NOL3: variants seen among roughly 807,000 people sequenced by gnomAD.
The protein encoded by NOL3 is nucleolar protein 3, also known as muscle-enriched cytoplasmic protein.
NOL3 carries 18 observed loss-of-function variants against 19.2 expected under a neutral mutation model. The observed-to-expected ratio is 0.94, with a 90% confidence interval of 0.65 to 1.39. NOL3 has a LOEUF of 1.39. Among genes scored for constraint, NOL3 ranks in the 40% most tolerant of loss-of-function variants. The pLI is 0.00. For missense variants in NOL3, 290 were observed against 289.5 expected (o/e 1.00, Z -0.01); for synonymous variants, 127 against 137.3 (o/e 0.93, Z 0.52).
Position 67,174,340 on chromosome 16 carries a change from G to A in NOL3, c.171G>A (p.Arg57=). 6.3e-7 allele frequency: 1 copy of A among 1,595,486 alleles called. No homozygotes were observed. The highest frequency in any genetic ancestry group is 8.5e-7 in the Non-Finnish European group (1 of 1,172,072). ...ATGCACTGCCTGATGCCGAGCGCAG[G>A]GTGCGCCGCCTACTGCTGCTGGTGC... The change falls in exon 2 of 4, where the codon AGG becomes AGA. Residue 57 remains arginine (R), a synonymous_variant. Coordinates refer to ENST00000268605, the Ensembl canonical transcript of NOL3.
At chr16:67,172,993 A>AAAG (rs1297259935) in intron 1 of NOL3, 2 of 150,426 alleles carry the variant, frequency 1.3e-5, no homozygotes, top group African/African-American at 4.9e-5. Context: ...AAAAAAAAAA[A>AAAG]AAGGCTGGGC....
chr16:67,171,706 C>T (rs537979737), intron 1 of NOL3: 1 of 152,364 alleles, frequency 6.6e-6, no homozygotes, highest in Admixed American at 6.5e-5. Context: ...CTGAGCCTGT[C>T]TCCTCATCTG....
At chr16:67,174,030 C>G (rs2233455) in intron 1 of NOL3, 132 bp from the exon 2 acceptor site, 3 of 1,549,824 alleles carry the variant, frequency 1.9e-6, no homozygotes, top group Non-Finnish European at 2.6e-6. Flanking sequence ...CGGAGCCGTC[C>G]GGCGGCTGGG....
At chr16:67,175,169 A>ATAAACTCCGGAGGGTCG (rs1356018789) in exon 4 of NOL3, 12 of 1,584,778 alleles carry the variant, frequency 7.6e-6, no homozygotes, top group Admixed American at 1.8e-5. Flanking sequence ...CTGGAAGTGA[A>ATAAACTCCGGAGGGTCG]TAAACTCCGG....
chr16:67,173,634 A>C (rs866110639), intron 1 of NOL3: 2 of 559,930 alleles, frequency 3.6e-6, no homozygotes, highest in South Asian at 4.4e-5. Context: ...AGAAGGCTGG[A>C]CTTAGTAAGT....
At chr16:67,174,027 G>C in intron 1 of NOL3, 135 bp from the exon 2 acceptor site, 1 of 1,548,822 alleles carries the variant, frequency 6.5e-7, no homozygotes, top group East Asian at 2.4e-5. Flanking sequence ...TTGCGGAGCC[G>C]TCCGGCGGCT....
exon 4 of NOL3, chr16:67,175,252 A>G: frequency 6.8e-7 from 1 of 1,469,914 alleles, no homozygotes. Context: ...GGTACCTCTG[A>G]GTCCCAGGGA....
exon 2 of NOL3, chr16:67,174,369 G>A (rs1219465256): frequency 1.9e-6 from 3 of 1,572,826 alleles, no homozygotes; most frequent in African/African-American, 1.3e-5. Context: ...CTGGTGCAGG[G>A]CAAGGGCGAG....
chr16:67,174,887 G>C lies in NOL3; in HGVS notation c.562G>C (p.Glu188Gln), dbSNP rs765664586. The C allele has an allele frequency of 1.2e-5, 19 of 1,613,460 alleles. No individual in the cohort carries two copies. The East Asian group carries it at 2.2e-4, about 19-fold the overall frequency. Residue 188 changes from glutamate to glutamine, a missense_variant, in exon 3 of 4, where the codon GAG becomes CAG. Physicochemically the swap from Glu to Gln is conservative, Grantham distance 29. Coordinates refer to ENST00000268605, the Ensembl canonical transcript of NOL3. The stretch of plus-strand genomic sequence containing the variant: ...TGAAGCAGAACCAGAGCCGGAACTG[G>C]AGCCAGAACCGGACCCAGAGCCCGA...
chr16:67,172,273 G>A (rs1007916646), intron 1 of NOL3, among the ~76,000 whole-genome samples: 1 of 152,114 alleles, frequency 6.6e-6, no homozygotes, highest in South Asian at 2.1e-4. Flanking sequence ...TTGCTGGCTG[G>A]GTCAGGCCAC....
At chr16:67,174,788 C>A (rs1347003367) in exon 3 of NOL3, 1 of 1,607,014 alleles carries the variant, frequency 6.2e-7, no homozygotes, top group African/African-American at 1.3e-5. Flanking sequence ...GGAGCCAGAG[C>A]CAGAGCTGGA....
At chr16:67,174,413 C>T (rs369265508) in exon 2 of NOL3, 42 of 1,533,874 alleles carry the variant, frequency 2.7e-5, no homozygotes, top group Non-Finnish European at 3.5e-5. Context: ...CTGTGCCCAG[C>T]GTACCGCGGG....
chr16:67,173,639 G>C, intron 1 of NOL3: 1 of 568,414 alleles, frequency 1.8e-6, no homozygotes, highest in South Asian at 2.1e-5. Flanking sequence ...GCTGGACTTA[G>C]TAAGTGGTGA....
At chr16:67,172,322 G>A (rs1362324451) in intron 1 of NOL3, among the ~76,000 whole-genome samples, 1 of 152,114 alleles carries the variant, frequency 6.6e-6, no homozygotes, top group African/African-American at 2.4e-5. Flanking sequence ...GACAATAAAT[G>A]GACAAAGCAG....
At chr16:67,172,137 G>T (rs1342252873) in intron 1 of NOL3, 1 of 150,954 alleles carries the variant, frequency 6.6e-6, no homozygotes, top group Admixed American at 6.6e-5. Flanking sequence ...GCAAAGGGAA[G>T]AAGAGATGGG....
intron 1 of NOL3, chr16:67,172,878 G>C (rs1016384327): frequency 6.7e-6 from 1 of 150,272 alleles, no homozygotes; most frequent in Non-Finnish European, 1.5e-5. Context: ...TGGATCACGA[G>C]GTCAGGAGTT....
At chr16:67,174,491 C>T in intron 2 of NOL3, 27 bp downstream of exon 2, 7 of 1,474,254 alleles carry the variant, frequency 4.7e-6, no homozygotes, top group Non-Finnish European at 4.5e-6. Flanking sequence ...GGGCCTAGGG[C>T]AGAGCAGGGA....
exon 3 of NOL3, chr16:67,174,832 GGAGCCA>G: frequency 6.2e-7 from 1 of 1,604,288 alleles, no homozygotes; most frequent in Non-Finnish European, 8.5e-7. Context: ...AACCGGAGCC[GGAGCCA>G]GAGCCAGAGC....
rs776930977 is a variant in NOL3 at position 67,174,291 on chromosome 16, C to T, written c.122C>T (p.Thr41Ile). 1.4e-5 allele frequency: 23 copies of T among 1,611,004 alleles called. No homozygotes were observed. In the South Asian group the frequency reaches 2.5e-4, roughly 18 times the overall value. ...GCGCTGCTGGCGCGGGGCGTGCTCA[C>T]CGGGCCAGAGTACGAGGCATTGGAT... The change falls in exon 2 of 4, where the codon ACC becomes ATC. Residue 41 changes from threonine (T) to isoleucine (I), a missense_variant. By Grantham distance (89) the Thr-to-Ile change is moderately conservative. Transcript: ENST00000268605.
Sources: allele counts gnomAD v4.1 joint callset (sites outside exome capture counted in the v4.1 genomes callset), GRCh38; gene constraint gnomAD v4.1.1; transcripts MANE v1.5; gene names NCBI Gene and HGNC (gene_info 2026-07-23, HGNC 2026-07-21).